DCUN1D5: variants seen among roughly 807,000 people sequenced by gnomAD.
The protein encoded by DCUN1D5 is DCN1-like protein 5.
Under a neutral mutation model 38.3 loss-of-function variants are expected in DCUN1D5, and 10 were observed. The observed-to-expected ratio is 0.26, with a 90% CI of 0.16 to 0.44. DCUN1D5 has a LOEUF of 0.44. DCUN1D5 is among the 20% of genes least tolerant of loss of function. The probability of loss-of-function intolerance (pLI) is 1.00; values close to 1 mark genes in which losing one functional copy is unlikely to be tolerated. For synonymous variants in DCUN1D5, 93 were observed against 90.9 expected, an observed-to-expected ratio of 1.02 and a Z score of -0.13; for missense variants, 148 against 275.3, an observed-to-expected ratio of 0.54 and a Z score of 3.27.
Position 103,086,301 on chromosome 11 carries a change from G to C in DCUN1D5, c.178+2926C>G, listed in dbSNP as rs909892627. Among the ~76,000 whole-genome samples, 1 of 152,128 alleles carries C rather than the reference G, an allele frequency of 6.6e-6. No homozygotes were observed. The highest frequency in any genetic ancestry group is 3.2e-3 in the Middle Eastern group (1 of 316). ...AATCTGATGCTGTAATGCTATTACTGTTTTAATAATAATAACATTTGAGTT... is the reference window on the plus strand; with the variant it reads ...AATCTGATGCTGTAATGCTATTACTCTTTTAATAATAATAACATTTGAGTT... On this transcript the variant is annotated intron_variant, in intron 2 of 7. Coordinates refer to ENST00000260247, the MANE Select transcript of DCUN1D5 (RefSeq NM_032299.4). This position sits in a 1 kb window ranked among gnomAD's most constrained non-coding sequence, Gnocchi z 4.1.
rs1862876850 is a variant in DCUN1D5 at position 103,091,773 on chromosome 11, G to A, written c.86+14C>T. 11 of 1,613,936 alleles carry A rather than the reference G, an allele frequency of 6.8e-6. No homozygotes were observed. In the African/African-American group the frequency reaches 1.1e-4, roughly 16 times the overall value. On this transcript the variant is annotated intron_variant, in intron 1 of 7. Transcript: ENST00000260247. The surrounding 1 kb of genome is among the most constrained non-coding windows in gnomAD (Gnocchi z 4.3). ...AGGGAGGAGGGAAGCTTGAAGGGTG[G>A]GGGGAGATGGTACCTGGAGATTTTA...
At chr11:103,085,011 A>G (rs1205362048) in intron 2 of DCUN1D5, among the ~76,000 whole-genome samples, 1 of 152,194 alleles carries the variant, frequency 6.6e-6, no homozygotes, top group Non-Finnish European at 1.5e-5. Flanking sequence ...TAAAAAATTA[A>G]GGGAAAAGAC....
In DCUN1D5 at chr11:103,089,215, T is replaced by A; in HGVS notation, c.178+12A>T. 6.2e-7 allele frequency: 1 copy of A among 1,611,314 alleles called. No individual in the cohort carries two copies. Among genetic ancestry groups the A allele is most frequent in the Non-Finnish European group, 8.5e-7 (1 of 1,178,014 alleles). On this transcript the variant is annotated intron_variant, in intron 2 of 7. Transcript: ENST00000260247. ...GCATATGACTAGTATCTTCTTATAT[T>A]AATTTCATTACCTGCATATTCATAA...
rs1221033507 is a variant in DCUN1D5, at chr11:103,066,105, A to ATGAACTTCTATCTAAAAATAGCAAC, written c.555+139_555+163dup. Among the ~76,000 whole-genome samples the ATGAACTTCTATCTAAAAATAGCAAC allele has an allele frequency of 7.2e-5, 11 of 151,990 alleles. No individual in the cohort carries two copies. Among genetic ancestry groups the ATGAACTTCTATCTAAAAATAGCAAC allele is most frequent in the African/African-American group, 2.7e-4 (11 of 41,364 alleles). Reference sequence around the variant, plus strand: ...TTAGGTACAAAATATATTAATAAACATGAACTTCTATCTAAAAATAGCAAC... The same window carrying ATGAACTTCTATCTAAAAATAGCAAC: ...TTAGGTACAAAATATATTAATAAACATGAACTTCTATCTAAAAATAGCAACTGAACTTCTATCTAAAAATAGCAAC... On this transcript the variant is annotated intron_variant, in intron 6 of 7. Coordinates refer to ENST00000260247, the MANE Select transcript of DCUN1D5 (RefSeq NM_032299.4). The surrounding 1 kb of genome is among the most constrained non-coding windows in gnomAD (Gnocchi z 4.7).
At position 103,052,164 on chromosome 11, in the gene DCUN1D5, G is replaced by C. The variant is rs1861756278; in HGVS notation, c.*10195C>G. 6.6e-6 allele frequency: 1 copy of C among 152,130 alleles called. No individual in the cohort carries two copies. The highest frequency in any genetic ancestry group is 6.5e-5 in the Admixed American group (1 of 15,276). The allele number at this position is 152,130 out of a possible 1,614,324, so 9.4% of individuals were successfully genotyped here. On this transcript the variant is annotated 3_prime_UTR_variant, in exon 8 of 8. Coordinates refer to ENST00000260247, the MANE Select transcript of DCUN1D5 (RefSeq NM_032299.4). Reference sequence around the variant, plus strand: ...TTTATTCAGTTCTGCAAATGCTTTTGACAACCTACCATGAGTCAGGCACCA... The same window carrying C: ...TTTATTCAGTTCTGCAAATGCTTTTCACAACCTACCATGAGTCAGGCACCA...
chr11:103,075,549 T>C (rs983328593), intron 4 of DCUN1D5, among the ~76,000 whole-genome samples: 1 of 152,060 alleles, frequency 6.6e-6, no homozygotes. Context: ...GCCCAGCTAA[T>C]TTTTGTATTT....
At position 103,091,658 on chromosome 11, in the gene DCUN1D5, G is replaced by A. The variant is rs770728032; in HGVS notation, c.86+129C>T. The A allele has an allele frequency of 6.4e-7, 1 of 1,566,638 alleles. No homozygotes were observed. The highest frequency in any genetic ancestry group is 1.1e-5 in the South Asian group (1 of 88,130). On this transcript the variant is annotated intron_variant, in intron 1 of 7. Coordinates refer to ENST00000260247, the MANE Select transcript of DCUN1D5 (RefSeq NM_032299.4). This position sits in a 1 kb window ranked among gnomAD's most constrained non-coding sequence, Gnocchi z 4.3. ...AGACTCGCGGTGTTCGGCACCTACA[G>A]CCTAGCTCGATCAAAGGGGCCTCAC...
chr11:103,076,580 C>A (rs1862412119), intron 4 of DCUN1D5, among the ~76,000 whole-genome samples: 1 of 152,206 alleles, frequency 6.6e-6, no homozygotes, highest in Non-Finnish European at 1.5e-5. Context: ...CAGCAAGTTA[C>A]TAAACCGTTT....
intron 2 of DCUN1D5, among the ~76,000 whole-genome samples, chr11:103,085,028 T>C (rs1000962118): frequency 6.6e-6 from 1 of 152,054 alleles, no homozygotes; most frequent in African/African-American, 2.4e-5. Flanking sequence ...AGACAAACGG[T>C]TTTTTTAAAA....
At chr11:103,067,386 T>C (rs1189442960) in intron 4 of DCUN1D5, among the ~76,000 whole-genome samples, 5 of 152,116 alleles carry the variant, frequency 3.3e-5, no homozygotes, top group Non-Finnish European at 7.4e-5. Context: ...CACTTACCAT[T>C]CCCAAATGCC....
At chr11:103,068,697 G>A (rs532478248) in intron 4 of DCUN1D5, among the ~76,000 whole-genome samples, 7 of 152,082 alleles carry the variant, frequency 4.6e-5, no homozygotes, top group Admixed American at 4.6e-4. Context: ...GTGGAGGGTG[G>A]GAGAAGAGAG....
chr11:103,084,440 C>G (rs1862646120), intron 2 of DCUN1D5, among the ~76,000 whole-genome samples: 1 of 152,108 alleles, frequency 6.6e-6, no homozygotes, highest in African/African-American at 2.4e-5. Context: ...AAGCCAAAAC[C>G]CTTTTTAATT....
At position 103,071,660 on chromosome 11, in the gene DCUN1D5, C is replaced by T. The variant is rs919694952; in HGVS notation, c.342-5093G>A. On this transcript the variant is annotated intron_variant, in intron 4 of 7. Coordinates refer to ENST00000260247, the MANE Select transcript of DCUN1D5 (RefSeq NM_032299.4). The surrounding 1 kb of genome is among the most constrained non-coding windows in gnomAD (Gnocchi z 4.1). ...TTCTACATATGTAACAATTTTTCTA[C>T]ATCAAAACTTGGATGAAATGGACCA... Among the ~76,000 whole-genome samples, 1 of 150,816 alleles carries T rather than the reference C, an allele frequency of 6.6e-6. No individual in the cohort carries two copies. The highest frequency in any genetic ancestry group is 1.5e-5 in the Non-Finnish European group (1 of 67,652).
In DCUN1D5 at chr11:103,052,878, C is replaced by G. The variant is rs1427751632; in HGVS notation, c.*9481G>C. ...TGTTCACATGTTTGATGTCAAGGTG[C>G]AAATGTGCAAGTAGTGGTTTTTAAA... On this transcript the variant is annotated 3_prime_UTR_variant, in exon 8 of 8. Coordinates refer to ENST00000260247, the MANE Select transcript of DCUN1D5 (RefSeq NM_032299.4). 1 of 152,162 alleles carries G rather than the reference C, an allele frequency of 6.6e-6. No homozygotes were observed. The highest frequency in any genetic ancestry group is 6.5e-5 in the Admixed American group (1 of 15,272). 9.4% of individuals were successfully genotyped at this position (152,162 alleles called of 1,614,324 possible). A position where few individuals can be genotyped will look rare whatever the true frequency, so the allele number is the denominator to read the frequency against.
At position 103,071,735 on chromosome 11, in the gene DCUN1D5, A is replaced by G. The variant is rs1055695680; in HGVS notation, c.342-5168T>C. Among the ~76,000 whole-genome samples the G allele has an allele frequency of 5.9e-5, 9 of 151,326 alleles. No homozygotes were observed. Among genetic ancestry groups the G allele is most frequent in the African/African-American group, 1.7e-4 (7 of 41,492 alleles). On this transcript the variant is annotated intron_variant, in intron 4 of 7. Coordinates refer to ENST00000260247, the MANE Select transcript of DCUN1D5 (RefSeq NM_032299.4). This position sits in a 1 kb window ranked among gnomAD's most constrained non-coding sequence, Gnocchi z 4.1. The stretch of plus-strand genomic sequence containing the variant: ...TACCACAACACATACAATATACAGT[A>G]GTCTGAGTAGACCTGTTATTATTAA...
At position 103,053,476 on chromosome 11, in the gene DCUN1D5, T is replaced by C. The variant is rs953517922; in HGVS notation, c.*8883A>G. 6.6e-6 allele frequency: 1 copy of C among 152,072 alleles called. No individual in the cohort carries two copies. Among genetic ancestry groups the C allele is most frequent in the African/African-American group, 2.4e-5 (1 of 41,442 alleles). The allele number at this position is 152,072 out of a possible 1,614,324, so 9.4% of individuals were successfully genotyped here. ...TCTATTAACACTAAACTATTGTACATTTCAAAATAGCTAAAGAGAATTCGA... is the reference window on the plus strand; with the variant it reads ...TCTATTAACACTAAACTATTGTACACTTCAAAATAGCTAAAGAGAATTCGA... On this transcript the variant is annotated 3_prime_UTR_variant, in exon 8 of 8. Coordinates refer to ENST00000260247, the MANE Select transcript of DCUN1D5 (RefSeq NM_032299.4). This position sits in a 1 kb window ranked among gnomAD's most constrained non-coding sequence, Gnocchi z 4.8.
At chr11:103,072,126 C>T (rs1042931276) in intron 4 of DCUN1D5, among the ~76,000 whole-genome samples, 7 of 151,928 alleles carry the variant, frequency 4.6e-5, no homozygotes, top group African/African-American at 1.4e-4. Flanking sequence ...TGAAAGCCAA[C>T]GTTTTCTCTC....
Position 103,068,676 on chromosome 11 carries a change from T to A in DCUN1D5, c.342-2109A>T, listed in dbSNP as rs525030. On this transcript the variant is annotated intron_variant, in intron 4 of 7. Coordinates refer to ENST00000260247, the MANE Select transcript of DCUN1D5 (RefSeq NM_032299.4). The stretch of plus-strand genomic sequence containing the variant: ...AAGAAGGAAACAACAGACACTGGGG[T>A]CTACTTGAAGGTGGAGGGTGGGAGA... Among the ~76,000 whole-genome samples the A allele has an allele frequency of 8.4e-3, 1,283 of 151,876 alleles. 12 individuals carry two copies. The highest frequency in any genetic ancestry group is 0.014 in the Non-Finnish European group (923 of 67,926).
chr11:103,067,099 CAA>C lies in DCUN1D5; in HGVS notation c.342-534_342-533del, dbSNP rs1204637391. ...CCCTATATTTTTGTGAACAAAAAGT[CAA>C]AGTCAATCAGTAGAAGCACCTAACT... On this transcript the variant is annotated intron_variant, in intron 4 of 7. Coordinates refer to ENST00000260247, the MANE Select transcript of DCUN1D5 (RefSeq NM_032299.4). Among the ~76,000 whole-genome samples the C allele has an allele frequency of 2.0e-5, 3 of 152,086 alleles. No homozygotes were observed. In the East Asian group the frequency reaches 5.8e-4, roughly 29 times the overall value.
Sources: gnomAD v4.1 joint callset for allele counts (sites outside exome capture counted in the v4.1 genomes callset) on GRCh38, gnomAD v4.1.1 for gene constraint, Gnocchi (gnomAD v3.1) non-coding constraint, MANE v1.5 for transcripts, NCBI Gene and HGNC (gene_info 2026-07-23, HGNC 2026-07-21) for gene names.